The following SAMD5 variants were observed in gnomAD, a reference collection of about 807,000 sequenced individuals.
SAMD5 encodes the protein sterile alpha motif domain containing 5, also known as sterile alpha motif domain-containing protein 5.
In SAMD5, 13 loss-of-function variants were observed where a neutral mutation model predicts 11.3. That is an observed-to-expected ratio of 1.15 (90% CI 0.75 to 1.83). The LOEUF (loss-of-function observed/expected upper bound fraction) is 1.83. Among genes scored for constraint, SAMD5 ranks in the 40% most tolerant of loss-of-function variants. The probability of loss-of-function intolerance (pLI) is 0.00; values close to 1 mark genes in which losing one functional copy is unlikely to be tolerated. For synonymous variants in SAMD5, 129 were observed against 111.3 expected (o/e 1.16, Z -1.00); for missense variants, 255 against 239.1 (o/e 1.07, Z -0.44).
chr6:147,786,541 C>T, the SAMD5 span, among the ~76,000 whole-genome samples: 6 of 152,166 alleles, frequency 3.9e-5, no homozygotes, highest in African/African-American at 7.2e-5. Context: ...TTGAAGCAAA[C>T]TTGTCATTTC....
downstream of SAMD5, among the ~76,000 whole-genome samples, chr6:147,570,473 A>T (rs1366169139): frequency 1.3e-5 from 2 of 152,180 alleles, no homozygotes; most frequent in African/African-American, 4.8e-5. Flanking sequence ...TTAGACGCAG[A>T]GTGCTGGATT....
the SAMD5 span, among the ~76,000 whole-genome samples, chr6:147,760,727 A>C: frequency 3.9e-5 from 6 of 152,210 alleles, no homozygotes; most frequent in Non-Finnish European, 8.8e-5. Context: ...GTCAGTATCT[A>C]GAAGTGATCT....
rs182954061 is a variant in SAMD5 at position 147,728,975 on chromosome 6, G to C, written c.163-8342G>C. 2.0e-5 allele frequency among the ~76,000 whole-genome samples: 3 copies of C among 152,328 alleles called. No homozygotes were observed. The East Asian group carries it at 5.8e-4, about 29-fold the overall frequency. On this transcript the variant is annotated intron_variant, in intron 1 of 1. Transcript: ENST00000566741. The stretch of plus-strand genomic sequence containing the variant: ...TTCTGCTGGGTTGCAATAACAATAT[G>C]CTACAAACTGGGTGGACTAAAACAC...
the SAMD5 span, among the ~76,000 whole-genome samples, chr6:147,887,617 C>A: frequency 6.6e-6 from 1 of 152,154 alleles, no homozygotes; most frequent in Non-Finnish European, 1.5e-5. Context: ...TTTACTACAA[C>A]AAATAGAACT....
the SAMD5 span, among the ~76,000 whole-genome samples, chr6:147,938,990 T>G: frequency 1.3e-5 from 2 of 152,146 alleles, no homozygotes; most frequent in Non-Finnish European, 2.9e-5. Flanking sequence ...ATCAAGTAAC[T>G]AGGGCACCCA....
the SAMD5 span, among the ~76,000 whole-genome samples, chr6:147,860,062 A>G: frequency 6.6e-6 from 1 of 152,166 alleles, no homozygotes; most frequent in Non-Finnish European, 1.5e-5. Context: ...TTATCGTCCC[A>G]CAGTTTAGGA....
chr6:147,514,565 G>T (rs1788136272), intron 1 of SAMD5, among the ~76,000 whole-genome samples: 1 of 152,018 alleles, frequency 6.6e-6, no homozygotes. Flanking sequence ...CTGACGTTTT[G>T]TTGAATCTCA....
At chr6:147,673,946 G>A (rs1293493858) in intron 1 of SAMD5, among the ~76,000 whole-genome samples, 1 of 152,138 alleles carries the variant, frequency 6.6e-6, no homozygotes, top group African/African-American at 2.4e-5. Flanking sequence ...AAAATGTAGT[G>A]TACAAGGCAA....
At chr6:147,771,192 C>T in the SAMD5 span, among the ~76,000 whole-genome samples, 1 of 152,186 alleles carries the variant, frequency 6.6e-6, no homozygotes, top group Non-Finnish European at 1.5e-5. Context: ...TTTGTGGCAA[C>T]TCCATAAGAA....
intron 1 of SAMD5, among the ~76,000 whole-genome samples, chr6:147,612,376 G>A (rs111354791): frequency 1.6e-4 from 24 of 152,004 alleles, no homozygotes; most frequent in Admixed American, 2.0e-4. Flanking sequence ...TAAGACTTTC[G>A]CACTCCTATT....
chr6:147,736,554 T>G (rs890136011), intron 1 of SAMD5, among the ~76,000 whole-genome samples: 8 of 152,138 alleles, frequency 5.3e-5, no homozygotes, highest in African/African-American at 1.9e-4. Context: ...AGTGAACATA[T>G]GGACTTAGAT....
chr6:147,932,453 T>G, the SAMD5 span, among the ~76,000 whole-genome samples: 1 of 152,128 alleles, frequency 6.6e-6, no homozygotes, highest in Non-Finnish European at 1.5e-5. Context: ...TCAAAGGGTA[T>G]TCTACTTTTC....
chr6:147,718,420 TAGG>T (rs1791497546), intron 1 of SAMD5, among the ~76,000 whole-genome samples: 1 of 152,158 alleles, frequency 6.6e-6, no homozygotes, highest in Non-Finnish European at 1.5e-5. Flanking sequence ...GGAAGAAAGT[TAGG>T]AGGAAGAACG....
the SAMD5 span, among the ~76,000 whole-genome samples, chr6:147,894,753 CACAT>C: frequency 2.0e-5 from 3 of 152,148 alleles, no homozygotes; most frequent in African/African-American, 7.2e-5. Context: ...ATATTCAAGA[CACAT>C]ACACGATCTC....
Position 147,509,194 on chromosome 6 carries a change from C to A in SAMD5, c.266C>A (p.Ala89Asp). 6.2e-6 allele frequency: 8 copies of A among 1,289,886 alleles called. No individual in the cohort carries two copies. Among genetic ancestry groups the A allele is most frequent in the Non-Finnish European group, 7.8e-6 (8 of 1,021,088 alleles). 79.9% of individuals were successfully genotyped at this position (1,289,886 alleles called of 1,614,324 possible). ...GCGCCCCCCGGGCCGCCCGCCGACG[C>A]CGTCCCCACCGGCCGCCGGGGGGAG... ...QPAPPGPPADAVPTGRRGEPC... is the reference protein window; with the variant it reads ...QPAPPGPPADDVPTGRRGEPC... The change falls in exon 1 of 2, where the codon GCC (alanine) becomes GAC (aspartate). Residue 89 changes from alanine (A) to aspartate (D), a missense_variant. By Grantham distance (126) the Ala-to-Asp change is moderately radical. Transcript: ENST00000367474.
At chr6:147,896,061 A>G in the SAMD5 span, among the ~76,000 whole-genome samples, 2 of 152,344 alleles carry the variant, frequency 1.3e-5, no homozygotes, top group South Asian at 4.1e-4. Context: ...TTCAGGTTTT[A>G]TGGAACCTCT....
chr6:147,551,989 T>C (rs1788783630), intron 1 of SAMD5, among the ~76,000 whole-genome samples: 1 of 152,064 alleles, frequency 6.6e-6, no homozygotes, highest in South Asian at 2.1e-4. Context: ...GTTTAAATTT[T>C]CTGAAAAATA....
chr6:147,720,745 T>C (rs1349393172), intron 1 of SAMD5, among the ~76,000 whole-genome samples: 3 of 151,842 alleles, frequency 2.0e-5, no homozygotes, highest in Non-Finnish European at 4.4e-5. Flanking sequence ...ATGTGCACAA[T>C]GTGCAGGTTA....
chr6:147,695,134 A>G lies in SAMD5; in HGVS notation c.163-42183A>G, dbSNP rs573194912. 5.9e-5 allele frequency among the ~76,000 whole-genome samples: 9 copies of G among 152,332 alleles called. No individual in the cohort carries two copies. In the South Asian group the frequency reaches 1.5e-3, roughly 25 times the overall value. Reference sequence around the variant, plus strand: ...AAGTCACAGCGTATCTGTCCCGTGAAACAAATATGTGATATCTAGGAATTT... The same window carrying G: ...AAGTCACAGCGTATCTGTCCCGTGAGACAAATATGTGATATCTAGGAATTT... On this transcript the variant is annotated intron_variant, in intron 1 of 1. Coordinates refer to the SAMD5 transcript ENST00000566741.
Sources: allele counts gnomAD v4.1 joint callset (sites outside exome capture counted in the v4.1 genomes callset), GRCh38; gene constraint gnomAD v4.1.1; transcripts MANE v1.5; gene names NCBI Gene and HGNC (gene_info 2026-07-23, HGNC 2026-07-21).